RILPL2: variants seen among roughly 807,000 people sequenced by gnomAD.
RILPL2 encodes RILP-like protein 2.
Under a neutral mutation model 22.2 loss-of-function variants are expected in RILPL2, and 19 were observed. The observed-to-expected ratio is 0.86, with a 90% CI of 0.60 to 1.25. The LOEUF (loss-of-function observed/expected upper bound fraction) is 1.25, where lower values mean the gene tolerates loss of function less well. RILPL2 is among the 50% of genes most tolerant of loss of function. RILPL2 has a pLI of 0.00. For missense variants in RILPL2, 243 were observed against 263.6 expected (o/e 0.92, Z 0.54); for synonymous variants, 123 against 111.6 (o/e 1.10, Z -0.64).
chr12:123,415,773 A>G lies in RILPL2; in HGVS notation c.*118T>C. ...CTCCTCCCTCCTCAGTCTGCTTTGA[A>G]GGGGAAATAAATACACAGGCCTAGT... is the stretch of plus-strand genomic sequence containing the variant. On this transcript the variant is annotated 3_prime_UTR_variant, in exon 4 of 4. Transcript: ENST00000280571. The G allele has an allele frequency of 1.0e-6, 1 of 999,482 alleles. No homozygotes were observed. The highest frequency in any genetic ancestry group is 1.6e-6 in the Non-Finnish European group (1 of 623,586). The allele number at this position is 999,482 out of a possible 1,614,324, so 61.9% of individuals were successfully genotyped here. A position where few individuals can be genotyped will look rare whatever the true frequency, so the allele number is the denominator to read the frequency against.
At chr12:123,428,046 AAG>A (rs1242091367) in intron 2 of RILPL2, among the ~76,000 whole-genome samples, 6 of 152,184 alleles carry the variant, frequency 3.9e-5, no homozygotes, top group Admixed American at 2.6e-4. Context: ...ACTAGAAAGA[AAG>A]TGTGTGGTTT....
chr12:123,428,425 C>T (rs1320957374), intron 2 of RILPL2, among the ~76,000 whole-genome samples: 2 of 152,186 alleles, frequency 1.3e-5, no homozygotes, highest in African/African-American at 4.8e-5. Context: ...CGTGAGCCAC[C>T]GCGCCCGGCC....
chr12:123,415,772 A>G lies in RILPL2; in HGVS notation c.*119T>C. ...TCTCCTCCCTCCTCAGTCTGCTTTG[A>G]AGGGGAAATAAATACACAGGCCTAG... On this transcript the variant is annotated 3_prime_UTR_variant, in exon 4 of 4. Transcript: ENST00000280571. The G allele has an allele frequency of 1.0e-6, 1 of 989,146 alleles. No homozygotes were observed. The highest frequency in any genetic ancestry group is 1.6e-6 in the Non-Finnish European group (1 of 614,030). 61.3% of individuals were successfully genotyped at this position (989,146 alleles called of 1,614,324 possible). A position where few individuals can be genotyped will look rare whatever the true frequency, so the allele number is the denominator to read the frequency against.
chr12:123,412,689 T>C (rs950450611), downstream of RILPL2: 2 of 152,212 alleles, frequency 1.3e-5, no homozygotes, highest in African/African-American at 4.8e-5. Flanking sequence ...AGGACAATAG[T>C]GATACCCATC....
Position 123,430,678 on chromosome 12 carries a change from C to T in RILPL2, c.340-19G>A. 6.4e-7 allele frequency: 1 copy of T among 1,553,092 alleles called. No homozygotes were observed. Among genetic ancestry groups the T allele is most frequent in the Non-Finnish European group, 8.7e-7 (1 of 1,147,316 alleles). On this transcript the variant is annotated intron_variant, in intron 1 of 3. Coordinates refer to ENST00000280571, the MANE Select transcript of RILPL2 (RefSeq NM_145058.3). ...GGTTCACCTGGAAGAAAAGACGCAA[C>T]CTTTGCAAGCAACTCTATATAATTA... is the stretch of plus-strand genomic sequence containing the variant.
At chr12:123,434,791 A>T (rs760714304) in intron 1 of RILPL2, among the ~76,000 whole-genome samples, 60 of 152,094 alleles carry the variant, frequency 3.9e-4, no homozygotes, top group Non-Finnish European at 3.2e-4. Context: ...GGACACTTCT[A>T]GCTCTCTATC....
chr12:123,412,011 A>T (rs1034355611), downstream of RILPL2: 3 of 152,112 alleles, frequency 2.0e-5, no homozygotes, highest in Non-Finnish European at 2.9e-5. Context: ...AGATTTTACC[A>T]AGAGTTGCAG....
chr12:123,421,346 C>T (rs1472824547), intron 3 of RILPL2, among the ~76,000 whole-genome samples: 2 of 152,038 alleles, frequency 1.3e-5, no homozygotes, highest in African/African-American at 2.4e-5. Flanking sequence ...TTAGCTATGG[C>T]GAATCTTAAG....
chr12:123,430,706 T>G (rs750398787), intron 1 of RILPL2, 47 bp from the exon 2 acceptor site: 1 of 1,105,328 alleles, frequency 9.0e-7, no homozygotes, highest in East Asian at 4.6e-5. Flanking sequence ...TATAATTAAA[T>G]TATTATTATT....
At chr12:123,427,216 G>A (rs560601633) in intron 2 of RILPL2, among the ~76,000 whole-genome samples, 2 of 152,244 alleles carry the variant, frequency 1.3e-5, no homozygotes, top group African/African-American at 4.8e-5. Flanking sequence ...GCTGTCAGCA[G>A]GTGCGCCCTG....
At chr12:123,409,714 CTTTTTTTTT>C in the RILPL2 span, among the ~76,000 whole-genome samples, 1 of 90,586 alleles carries the variant, frequency 1.1e-5, no homozygotes, top group African/African-American at 5.5e-5. Flanking sequence ...CACACCTGGC[CTTTTTTTTT>C]TTTTTTTTTT....
At chr12:123,433,613 G>C (rs1879712207) in intron 1 of RILPL2, among the ~76,000 whole-genome samples, 2 of 151,562 alleles carry the variant, frequency 1.3e-5, no homozygotes, top group African/African-American at 2.4e-5. Flanking sequence ...GGTTTCACCA[G>C]TTTGCCCAGG....
intron 2 of RILPL2, among the ~76,000 whole-genome samples, chr12:123,429,614 G>GT (rs1161021058): frequency 9.5e-4 from 140 of 147,200 alleles, no homozygotes; most frequent in Middle Eastern, 3.4e-3. Context: ...GTTTTGTTTC[G>GT]TTTTTTTTTT....
intron 1 of RILPL2, among the ~76,000 whole-genome samples, chr12:123,431,687 G>A (rs1372440214): frequency 2.0e-5 from 3 of 151,566 alleles, no homozygotes; most frequent in Admixed American, 6.6e-5. Context: ...TTAGCCAGGC[G>A]TGGTGGCAGG....
At chr12:123,423,219 T>TC in intron 2 of RILPL2, 62 bp from the exon 3 acceptor site, 1 of 1,115,984 alleles carries the variant, frequency 9.0e-7, no homozygotes, top group African/African-American at 1.6e-5. Context: ...TTTTTTTTTT[T>TC]GAGTTGGAGT....
At chr12:123,410,914 G>T (rs947864743), downstream of RILPL2, 1 of 152,074 alleles carries the variant, frequency 6.6e-6, no homozygotes, top group Non-Finnish European at 1.5e-5. Flanking sequence ...GTAGAGATAG[G>T]GTCTCACTAT....
intron 2 of RILPL2, among the ~76,000 whole-genome samples, chr12:123,430,099 CAAAAAAAAA>C (rs59871132): frequency 4.8e-4 from 9 of 18,788 alleles, no homozygotes; most frequent in South Asian, 4.6e-3. Context: ...GTGAGACCCT[CAAAAAAAAA>C]AAAAAAAAAA....
At chr12:123,431,590 G>A (rs1400137052) in intron 1 of RILPL2, among the ~76,000 whole-genome samples, 2 of 151,968 alleles carry the variant, frequency 1.3e-5, no homozygotes, top group Admixed American at 6.6e-5. Flanking sequence ...TTGGGAGGCC[G>A]AGGCGGGCGG....
chr12:123,419,039 C>T (rs1879201738), intron 3 of RILPL2, among the ~76,000 whole-genome samples: 1 of 141,638 alleles, frequency 7.1e-6, no homozygotes, highest in African/African-American at 2.7e-5. Flanking sequence ...GAGACGGAGT[C>T]TCGCTCTGTC....
Sources: gnomAD v4.1 joint callset for allele counts (sites outside exome capture counted in the v4.1 genomes callset) on GRCh38, gnomAD v4.1.1 for gene constraint, MANE v1.5 for transcripts, NCBI Gene and HGNC (gene_info 2026-07-23, HGNC 2026-07-21) for gene names.